Variants in RFX8 observed in about 807,000 individuals in gnomAD.
The protein encoded by RFX8 is DNA-binding protein RFX8.
RFX8 carries 46 observed loss-of-function variants against 54.6 expected under a neutral mutation model. That is an observed-to-expected ratio of 0.84 (90% confidence interval 0.67 to 1.08). The LOEUF is 1.08. Among genes scored for constraint, RFX8 ranks in the 50% least tolerant of loss-of-function variants. RFX8 has a pLI of 0.00. For synonymous variants in RFX8, 192 were observed against 209.5 expected, an observed-to-expected ratio of 0.92 and a Z score of 0.72; for missense variants, 536 against 562.3, an observed-to-expected ratio of 0.95 and a Z score of 0.47.
At chr2:101,471,919 G>A (rs1163993646) in intron 1 of RFX8, among the ~76,000 whole-genome samples, 1 of 152,172 alleles carries the variant, frequency 6.6e-6, no homozygotes, top group Admixed American at 6.5e-5. Context: ...CAACAGTTGG[G>A]CCCCTCCCTG....
intron 2 of RFX8, among the ~76,000 whole-genome samples, chr2:101,455,013 C>CT (rs1025562619): frequency 1.5e-5 from 2 of 129,550 alleles, no homozygotes; most frequent in African/African-American, 6.2e-5. Flanking sequence ...TTTTCTTTTT[C>CT]TTTTTTCTTT....
chr2:101,453,572 T>G (rs1042818851), intron 2 of RFX8, among the ~76,000 whole-genome samples: 9 of 152,116 alleles, frequency 5.9e-5, no homozygotes, highest in African/African-American at 2.2e-4. Flanking sequence ...AGGGTGAAAC[T>G]CGGTCTCAAA....
intron 10 of RFX8, among the ~76,000 whole-genome samples, 153 bp from the exon 11 acceptor site, chr2:101,402,905 G>A (rs1001288486): frequency 9.2e-5 from 14 of 152,166 alleles, no homozygotes; most frequent in Admixed American, 9.2e-4. Context: ...GGCCTCTTAC[G>A]TAGCATCCAT....
At chr2:101,429,185 G>A (rs1306799135) in intron 2 of RFX8, among the ~76,000 whole-genome samples, 3 of 152,138 alleles carry the variant, frequency 2.0e-5, no homozygotes, top group Non-Finnish European at 4.4e-5. Context: ...ACAAGCTTGG[G>A]CTTTAAAAAA....
chr2:101,473,883 T>A (rs1690145320), intron 1 of RFX8, among the ~76,000 whole-genome samples: 1 of 152,204 alleles, frequency 6.6e-6, no homozygotes, highest in Non-Finnish European at 1.5e-5. Flanking sequence ...AGCTTTTGGA[T>A]GTACATGGAA....
At chr2:101,441,410 G>A (rs1688094746) in intron 2 of RFX8, among the ~76,000 whole-genome samples, 1 of 152,140 alleles carries the variant, frequency 6.6e-6, no homozygotes, top group Admixed American at 6.5e-5. Context: ...TGAGACTGGT[G>A]GCTTTGTAAA....
intron 2 of RFX8, among the ~76,000 whole-genome samples, chr2:101,453,776 T>A (rs926437476): frequency 1.3e-5 from 2 of 152,172 alleles, no homozygotes; most frequent in Non-Finnish European, 2.9e-5. Flanking sequence ...AAAAATTCTC[T>A]GGAAGCAGAG....
At chr2:101,412,303 G>A (rs1454617212) in intron 8 of RFX8, among the ~76,000 whole-genome samples, 1 of 152,158 alleles carries the variant, frequency 6.6e-6, no homozygotes, top group African/African-American at 2.4e-5. Context: ...CGCTCCCCAA[G>A]GACGCAACAA....
intron 2 of RFX8, among the ~76,000 whole-genome samples, chr2:101,463,105 C>A (rs191435796): frequency 6.6e-6 from 1 of 152,194 alleles, no homozygotes; most frequent in African/African-American, 2.4e-5. Flanking sequence ...ATCCATCTAG[C>A]CTTGCAGCCT....
intron 2 of RFX8, among the ~76,000 whole-genome samples, chr2:101,454,386 A>G (rs1239863577): frequency 1.3e-5 from 2 of 152,218 alleles, no homozygotes; most frequent in East Asian, 3.8e-4. Flanking sequence ...TAGTAGAATG[A>G]TTTATAATCC....
At position 101,402,852 on chromosome 2, in the gene RFX8, C is replaced by T. The variant is rs184836062; in HGVS notation, c.929-100G>A. The T allele has an allele frequency of 3.8e-4, 406 of 1,058,870 alleles. 2 individuals are homozygous for T. The African/African-American group carries it at 5.4e-3, about 14-fold the overall frequency. 65.6% of individuals were successfully genotyped at this position (1,058,870 alleles called of 1,614,324 possible). ...CTTTTCTGGGGCTAACACCTGTGTACGTGAGCCTCGTTCCAATAGCTTACC... is the reference window on the plus strand; with the variant it reads ...CTTTTCTGGGGCTAACACCTGTGTATGTGAGCCTCGTTCCAATAGCTTACC... On this transcript the variant is annotated intron_variant, in intron 10 of 11. Coordinates refer to ENST00000428343, the MANE Select transcript of RFX8 (RefSeq NM_001145664.2).
chr2:101,435,953 A>G (rs1175671465), intron 2 of RFX8, among the ~76,000 whole-genome samples: 1 of 152,068 alleles, frequency 6.6e-6, no homozygotes, highest in Non-Finnish European at 1.5e-5. Flanking sequence ...ATCCCACCCC[A>G]GTGAAAACGA....
chr2:101,414,029 G>A (rs1262638975), intron 7 of RFX8, among the ~76,000 whole-genome samples: 1 of 152,300 alleles, frequency 6.6e-6, no homozygotes, highest in Admixed American at 6.5e-5. Flanking sequence ...GGTAGCCCAC[G>A]AGCCGGGTGC....
intron 2 of RFX8, among the ~76,000 whole-genome samples, chr2:101,461,684 T>G (rs765034681): frequency 9.2e-5 from 14 of 151,976 alleles, no homozygotes; most frequent in Non-Finnish European, 1.5e-4. Flanking sequence ...TACAACACAG[T>G]TAAAATGAAA....
intron 11 of RFX8, among the ~76,000 whole-genome samples, chr2:101,401,259 C>CTGTTT (rs534901932): frequency 2.3e-3 from 345 of 152,246 alleles, no homozygotes; most frequent in African/African-American, 7.2e-3. Flanking sequence ...TCCCCGGCTC[C>CTGTTT]TGTTTTGTTT....
Position 101,417,708 on chromosome 2 carries a change from T to C in RFX8, c.352-24A>G, listed in dbSNP as rs765720885. 3.3e-6 allele frequency: 5 copies of C among 1,531,994 alleles called. No individual in the cohort carries two copies. The South Asian group carries it at 6.2e-5, about 19-fold the overall frequency. The allele number at this position is 1,531,994 out of a possible 1,614,324, so 94.9% of individuals were successfully genotyped here. A position where few individuals can be genotyped will look rare whatever the true frequency, so the allele number is the denominator to read the frequency against. ...CCCTACAACAAAAGTAACAAGACAC[T>C]ATGATTCTGCTGATGGTGCAGGTGT... On this transcript the variant is annotated intron_variant, in intron 5 of 11. Coordinates refer to ENST00000428343, the MANE Select transcript of RFX8 (RefSeq NM_001145664.2).
At chr2:101,448,995 A>G (rs572664430) in intron 2 of RFX8, among the ~76,000 whole-genome samples, 1 of 152,294 alleles carries the variant, frequency 6.6e-6, no homozygotes, top group African/African-American at 2.4e-5. Flanking sequence ...GGATGGTCCC[A>G]TGGGGCAGGT....
Position 101,437,596 on chromosome 2 carries a change from G to GA in RFX8, c.73-15125dup, listed in dbSNP as rs150222606. 1.9e-3 allele frequency among the ~76,000 whole-genome samples: 279 copies of GA among 150,712 alleles called. 1 individual carries two copies. Among genetic ancestry groups the GA allele is most frequent in the African/African-American group, 6.2e-3 (254 of 41,100 alleles). The stretch of plus-strand genomic sequence containing the variant: ...TTCAAAAAAAAGAAAAGAAAAAAAG[G>GA]AAAAAAAAGAGAAAGGAAGAGAAAA... On this transcript the variant is annotated intron_variant, in intron 2 of 11. Coordinates refer to ENST00000428343, the MANE Select transcript of RFX8 (RefSeq NM_001145664.2).
chr2:101,451,119 C>G (rs7569232), intron 2 of RFX8, among the ~76,000 whole-genome samples: 52,370 of 151,864 alleles, frequency 0.34, 9,722 homozygotes, highest in African/African-American at 0.44. Flanking sequence ...CTGCAGCCCA[C>G]ACCTTCCTCC....
Sources: gnomAD v4.1 joint callset for allele counts (sites outside exome capture counted in the v4.1 genomes callset) on GRCh38, gnomAD v4.1.1 for gene constraint, MANE v1.5 for transcripts, NCBI Gene and HGNC (gene_info 2026-07-23, HGNC 2026-07-21) for gene names.